The following TBC1D5 variants were observed in gnomAD, a reference collection of about 807,000 sequenced individuals.
TBC1D5 encodes TBC1 domain family, member 5.
Under a neutral mutation model 100.3 loss-of-function variants are expected in TBC1D5, and 75 were observed. The ratio of observed to expected loss-of-function variants is 0.75; its 90% CI spans 0.62 to 0.91. TBC1D5 has a LOEUF of 0.91. TBC1D5 is among the 40% of genes least tolerant of loss of function. The probability of loss-of-function intolerance (pLI) is 0.00; values close to 1 mark genes in which losing one functional copy is unlikely to be tolerated. For synonymous variants in TBC1D5, 323 were observed against 325.6 expected (o/e 0.99, Z 0.09); for missense variants, 910 against 942.4 (o/e 0.97, Z 0.45).
In TBC1D5 at chr3:17,477,551, T is replaced by C. The variant is rs146430547; in HGVS notation, c.97+30923A>G. Among the ~76,000 whole-genome samples, 7 of 152,144 alleles carry C rather than the reference T, an allele frequency of 4.6e-5. No individual in the cohort carries two copies. The East Asian group carries it at 9.6e-4, about 21-fold the overall frequency. On this transcript the variant is annotated intron_variant, in intron 3 of 21. Transcript: ENST00000253692. Reference sequence around the variant, plus strand: ...GGTTATAGTATCACGCAGAAACTTATCTCTTCTTTTATATTTTAAAACTTG... The same window carrying C: ...GGTTATAGTATCACGCAGAAACTTACCTCTTCTTTTATATTTTAAAACTTG...
At chr3:17,414,337 C>T (rs952135802) in intron 4 of TBC1D5, among the ~76,000 whole-genome samples, 4 of 152,034 alleles carry the variant, frequency 2.6e-5, no homozygotes, top group Non-Finnish European at 4.4e-5. Context: ...TAAAAATTGC[C>T]ATATTTAGTA....
At chr3:17,715,984 G>A (rs946536039) in intron 1 of TBC1D5, among the ~76,000 whole-genome samples, 4 of 144,986 alleles carry the variant, frequency 2.8e-5, no homozygotes, top group Admixed American at 1.4e-4. Context: ...TCCGGGAGGC[G>A]GAGGCTGCAG....
rs996563781 is a variant in TBC1D5 at position 17,383,895 on chromosome 3, G to A, written c.612+18C>T. 11 of 1,569,642 alleles carry A rather than the reference G, an allele frequency of 7.0e-6. No homozygotes were observed. Among genetic ancestry groups the A allele is most frequent in the African/African-American group, 1.4e-5 (1 of 73,998 alleles). On this transcript the variant is annotated intron_variant, in intron 9 of 21. Transcript: ENST00000253692. Reference sequence around the variant, plus strand: ...AATTTTGAGTCAATGGATGCCACCTGTAAGATATTTTCATTACCTGTTTAT... The same window carrying A: ...AATTTTGAGTCAATGGATGCCACCTATAAGATATTTTCATTACCTGTTTAT...
At chr3:17,173,334 T>C (rs185927545) in intron 19 of TBC1D5, among the ~76,000 whole-genome samples, 2 of 152,314 alleles carry the variant, frequency 1.3e-5, no homozygotes, top group Admixed American at 1.3e-4. Flanking sequence ...GGCACTGACT[T>C]GATTGCCTTG....
At chr3:17,464,541 C>T (rs2095270536) in intron 3 of TBC1D5, among the ~76,000 whole-genome samples, 1 of 152,060 alleles carries the variant, frequency 6.6e-6, no homozygotes, top group Non-Finnish European at 1.5e-5. Flanking sequence ...CGTGTTTCAA[C>T]AGAAACTGGG....
chr3:17,531,258 C>T (rs1354581397), intron 2 of TBC1D5, among the ~76,000 whole-genome samples: 1 of 152,058 alleles, frequency 6.6e-6, no homozygotes. Context: ...AATAAAATAC[C>T]TAGGAATCAA....
intron 1 of TBC1D5, among the ~76,000 whole-genome samples, chr3:17,711,274 T>C (rs2074708878): frequency 6.6e-6 from 1 of 152,220 alleles, no homozygotes; most frequent in African/African-American, 2.4e-5. Context: ...ACTAAATTTA[T>C]GTATAAAAGT....
chr3:17,529,626 A>G (rs1189208345), intron 2 of TBC1D5, among the ~76,000 whole-genome samples: 1 of 151,746 alleles, frequency 6.6e-6, no homozygotes, highest in Non-Finnish European at 1.5e-5. Flanking sequence ...TGCTGGTACA[A>G]AGAAGGCATT....
Position 17,520,278 on chromosome 3 carries a change from G to T in TBC1D5, c.-35-11673C>A, listed in dbSNP as rs187496841. On this transcript the variant is annotated intron_variant, in intron 2 of 21. Coordinates refer to ENST00000253692, the Ensembl canonical transcript of TBC1D5. ...CTAACCTTTGACAAGTAAAATAAAT[G>T]TTCTGAATAATTTAACTAAAGCAAA... Among the ~76,000 whole-genome samples, 421 of 152,226 alleles carry T rather than the reference G, an allele frequency of 2.8e-3. 1 individual carries two copies. Among genetic ancestry groups the T allele is most frequent in the African/African-American group, 9.2e-3 (382 of 41,558 alleles).
intron 2 of TBC1D5, among the ~76,000 whole-genome samples, chr3:17,542,980 T>A (rs769471923): frequency 1.4e-4 from 22 of 152,226 alleles, no homozygotes; most frequent in Non-Finnish European, 2.8e-4. Flanking sequence ...ATTATATATG[T>A]GTACTAGAAT....
At chr3:17,580,959 CTTGATATGGT>C (rs2096690625) in intron 2 of TBC1D5, among the ~76,000 whole-genome samples, 1 of 152,204 alleles carries the variant, frequency 6.6e-6, no homozygotes, top group Non-Finnish European at 1.5e-5. Flanking sequence ...AATGTTACAT[CTTGATATGGT>C]TTGGCTGTGC....
intron 1 of TBC1D5, among the ~76,000 whole-genome samples, chr3:17,670,502 G>GA (rs1261505103): frequency 2.6e-5 from 4 of 152,256 alleles, no homozygotes; most frequent in African/African-American, 9.6e-5. Flanking sequence ...TGGAAAGGGG[G>GA]ATCTCACTAC....
intron 2 of TBC1D5, among the ~76,000 whole-genome samples, chr3:17,510,961 C>G (rs1465584025): frequency 6.6e-6 from 1 of 151,936 alleles, no homozygotes; most frequent in Non-Finnish European, 1.5e-5. Flanking sequence ...CTGTCTGGTT[C>G]TAGAGCTCAC....
At chr3:17,396,885 A>G (rs892449604) in intron 8 of TBC1D5, among the ~76,000 whole-genome samples, 4 of 152,150 alleles carry the variant, frequency 2.6e-5, no homozygotes, top group Non-Finnish European at 4.4e-5. Context: ...ATGAATTATC[A>G]TTCCAATTTT....
chr3:17,429,960 C>T (rs918595500), intron 3 of TBC1D5, among the ~76,000 whole-genome samples: 1 of 123,426 alleles, frequency 8.1e-6, no homozygotes, highest in Non-Finnish European at 1.9e-5. Context: ...TGGATTACAA[C>T]ACTTAAAAAT....
At chr3:17,583,494 G>C (rs9968236) in intron 2 of TBC1D5, among the ~76,000 whole-genome samples, 7,916 of 152,126 alleles carry the variant, frequency 0.052, 630 homozygotes, top group African/African-American at 0.17. Context: ...GGGAAGCCAA[G>C]GTGGGCAGAC....
intron 3 of TBC1D5, among the ~76,000 whole-genome samples, chr3:17,494,132 T>C (rs560650437): frequency 6.6e-6 from 1 of 152,290 alleles, no homozygotes; most frequent in African/African-American, 2.4e-5. Flanking sequence ...TGCTATTTGT[T>C]TTTCTTTTAA....
At chr3:17,427,648 T>C (rs1160189923) in intron 4 of TBC1D5, among the ~76,000 whole-genome samples, 1 of 151,954 alleles carries the variant, frequency 6.6e-6, no homozygotes, top group Non-Finnish European at 1.5e-5. Flanking sequence ...AAGGACAATG[T>C]TGACCAATTA....
intron 8 of TBC1D5, among the ~76,000 whole-genome samples, chr3:17,399,508 C>A (rs1240757129): frequency 6.6e-6 from 1 of 152,090 alleles, no homozygotes. Context: ...TTTATTACTA[C>A]ATTTTTAGTC....
Sources: allele counts gnomAD v4.1 joint callset (sites outside exome capture counted in the v4.1 genomes callset), GRCh38; gene constraint gnomAD v4.1.1; transcripts MANE v1.5; gene names NCBI Gene and HGNC (gene_info 2026-07-23, HGNC 2026-07-21).